SRBD1: variants seen among roughly 807,000 people sequenced by gnomAD.
SRBD1 encodes S1 RNA binding domain 1.
A neutral mutation model predicts 115.3 loss-of-function variants in SRBD1; 88 were observed. That is an observed-to-expected ratio of 0.76 (90% CI 0.64 to 0.91). SRBD1 has a LOEUF of 0.91. Ranked by LOEUF, SRBD1 falls within the 40% of genes least tolerant of loss-of-function variation. SRBD1 has a pLI of 0.00. For missense variants in SRBD1, 1,385 were observed against 1,177.4 expected (o/e 1.18, Z -2.58); for synonymous variants, 509 against 407.7 (o/e 1.25, Z -2.99).
chr2:45,579,824 TAAAAAAA>T (rs374392017), intron 7 of SRBD1, 44 bp downstream of exon 7: 5 of 1,332,946 alleles, frequency 3.8e-6, no homozygotes, highest in South Asian at 1.8e-5. Context: ...GTTTTTAAAT[TAAAAAAA>T]AAAAAAAAGA....
rs758975744 is a variant in SRBD1 at position 45,496,669 on chromosome 2, A to T, written c.1875-8338T>A. ...CTCCACTAACAAATGACATACATTCATGATGCCATTCCTCACTCCTCCCTC... is the reference window on the plus strand; with the variant it reads ...CTCCACTAACAAATGACATACATTCTTGATGCCATTCCTCACTCCTCCCTC... On this transcript the variant is annotated intron_variant, in intron 14 of 20. Coordinates refer to ENST00000263736, the MANE Select transcript of SRBD1 (RefSeq NM_018079.5). 4.5e-4 allele frequency among the ~76,000 whole-genome samples: 68 copies of T among 152,248 alleles called. 2 individuals carry two copies. The Middle Eastern group carries it at 0.01, about 23-fold the overall frequency.
At chr2:45,568,322 A>T (rs767272771) in intron 9 of SRBD1, among the ~76,000 whole-genome samples, 37 of 152,162 alleles carry the variant, frequency 2.4e-4, no homozygotes, top group South Asian at 8.3e-4. Context: ...TTCCTTCACC[A>T]CACTGTCTTT....
chr2:45,472,809 T>G (rs941831464), intron 16 of SRBD1, among the ~76,000 whole-genome samples: 1 of 152,228 alleles, frequency 6.6e-6, no homozygotes. Flanking sequence ...CATACTTTCT[T>G]GGAAGACTGT....
intron 9 of SRBD1, among the ~76,000 whole-genome samples, chr2:45,563,248 T>G (rs1572781063): frequency 6.6e-6 from 1 of 152,272 alleles, no homozygotes; most frequent in East Asian, 1.9e-4. Flanking sequence ...ACCAGTAATG[T>G]GTGTATTATC....
At position 45,449,656 on chromosome 2, in the gene SRBD1, A is replaced by G. The variant is rs145185112; in HGVS notation, c.2049+27337T>C. ...AATATTTCAACCACTTCAACCCCGA[A>G]GTTTTTTTCAGAGCTATACAAATTA... On this transcript the variant is annotated intron_variant, in intron 16 of 20. Transcript: ENST00000263736. Among the ~76,000 whole-genome samples, 35 of 152,292 alleles carry G rather than the reference A, an allele frequency of 2.3e-4. 1 individual carries two copies. The East Asian group carries it at 3.9e-3, about 17-fold the overall frequency.
intron 14 of SRBD1, among the ~76,000 whole-genome samples, chr2:45,489,211 A>G (rs575630936): frequency 6.6e-6 from 1 of 152,324 alleles, no homozygotes; most frequent in South Asian, 2.1e-4. Context: ...ATGTGGCTCT[A>G]TACCATGTGA....
intron 14 of SRBD1, among the ~76,000 whole-genome samples, chr2:45,515,396 A>G (rs1671089457): frequency 6.6e-6 from 1 of 152,192 alleles, no homozygotes; most frequent in Non-Finnish European, 1.5e-5. Context: ...TTACTCAAGA[A>G]CCCATATTCT....
intron 1 of SRBD1, among the ~76,000 whole-genome samples, chr2:45,606,101 C>T (rs1345110794): frequency 6.7e-6 from 1 of 150,364 alleles, no homozygotes; most frequent in Non-Finnish European, 1.5e-5. Context: ...CAGGCAGCCC[C>T]TTACAAAGTC....
chr2:45,391,370 C>CAA (rs1666994154), intron 20 of SRBD1, among the ~76,000 whole-genome samples: 1 of 152,004 alleles, frequency 6.6e-6, no homozygotes. Flanking sequence ...ATTGACAAAA[C>CAA]AAAAGACAGA....
rs1668003872 is a variant in SRBD1, at chr2:45,421,506, CAAACAAAAAAAAAAAAAAAAAAAAA to C, written c.2050-1637_2050-1613del. Among the ~76,000 whole-genome samples, 78 of 48,096 alleles carry C rather than the reference CAAACAAAAAAAAAAAAAAAAAAAAA, an allele frequency of 1.6e-3. 1 individual carries two copies. The South Asian group carries it at 0.07, about 43-fold the overall frequency. 31.6% of individuals were successfully genotyped at this position (48,096 alleles called of 152,430 possible). ...TGGGTGACGGTGTGAGACTCCGTCT[CAAACAAAAAAAAAAAAAAAAAAAAA>C]AAAAAAAAAAAAAAGTCAGAAAATG... is the stretch of plus-strand genomic sequence containing the variant. On this transcript the variant is annotated intron_variant, in intron 16 of 20. Coordinates refer to ENST00000263736, the MANE Select transcript of SRBD1 (RefSeq NM_018079.5).
rs1436333768 is a variant in SRBD1 at position 45,546,746 on chromosome 2, C to T, written c.1860G>A (p.Leu620=). ...DLIMKNYFAP[L]DVVYCIVSEA... ...AATAGCCTTACCAGTAAACAACATC[C>T]AGTGGTGCAAAATAATTCTTCATTA... Residue 620 remains leucine, a synonymous_variant, in exon 14 of 21, where the codon CTG becomes CTA. Transcript: ENST00000263736. The T allele has an allele frequency of 1.9e-6, 3 of 1,614,034 alleles. No homozygotes were observed. Among genetic ancestry groups the T allele is most frequent in the South Asian group, 2.2e-5 (2 of 91,070 alleles).
At position 45,441,983 on chromosome 2, in the gene SRBD1, G is replaced by C. The variant is rs745408601; in HGVS notation, c.2050-22089C>G. Among the ~76,000 whole-genome samples the C allele has an allele frequency of 5.9e-5, 9 of 152,288 alleles. No individual in the cohort carries two copies. In the East Asian group the frequency reaches 1.2e-3, roughly 20 times the overall value. On this transcript the variant is annotated intron_variant, in intron 16 of 20. Transcript: ENST00000263736. ...TTCCTGTTAACTCACACCCTAGTCA[G>C]ACTAATCTCTGATGCTTTAATTGGA...
chr2:45,423,445 A>C (rs1292410247), intron 16 of SRBD1, among the ~76,000 whole-genome samples: 1 of 152,212 alleles, frequency 6.6e-6, no homozygotes, highest in Non-Finnish European at 1.5e-5. Flanking sequence ...AACCAGATAC[A>C]TGGTAGGAGA....
chr2:45,536,280 T>C (rs542210828), intron 14 of SRBD1, among the ~76,000 whole-genome samples: 1 of 152,116 alleles, frequency 6.6e-6, no homozygotes, highest in South Asian at 2.1e-4. Flanking sequence ...AACTTTCTTG[T>C]ATGAATGACA....
chr2:45,435,138 G>A (rs759538059), intron 16 of SRBD1, among the ~76,000 whole-genome samples: 37 of 152,166 alleles, frequency 2.4e-4, no homozygotes, highest in Non-Finnish European at 4.9e-4. Context: ...ATTCCATGGC[G>A]TATATGTGCC....
At chr2:45,577,405 A>C (rs1023327321) in intron 7 of SRBD1, among the ~76,000 whole-genome samples, 1 of 152,192 alleles carries the variant, frequency 6.6e-6, no homozygotes, top group African/African-American at 2.4e-5. Context: ...CCTTTGCCTT[A>C]CAATGAAATC....
At position 45,400,168 on chromosome 2, in the gene SRBD1, G is replaced by C. The variant is rs572121266; in HGVS notation, c.2514-7039C>G. Among the ~76,000 whole-genome samples, 6 of 152,268 alleles carry C rather than the reference G, an allele frequency of 3.9e-5. No homozygotes were observed. The East Asian group carries it at 5.8e-4, about 15-fold the overall frequency. On this transcript the variant is annotated intron_variant, in intron 19 of 20. Transcript: ENST00000263736. Reference sequence around the variant, plus strand: ...GCAAAAACGTTATTCCATTTAAAGAGTATGCAACTGAGGTCAAAGTAACTC... The same window carrying C: ...GCAAAAACGTTATTCCATTTAAAGACTATGCAACTGAGGTCAAAGTAACTC...
chr2:45,519,618 G>T (rs1393046309), intron 14 of SRBD1, among the ~76,000 whole-genome samples: 2 of 152,090 alleles, frequency 1.3e-5, no homozygotes, highest in Non-Finnish European at 2.9e-5. Flanking sequence ...TCCGACAACT[G>T]CAGTGTTTGG....
chr2:45,554,302 T>A (rs1672402638), intron 10 of SRBD1, among the ~76,000 whole-genome samples: 1 of 152,222 alleles, frequency 6.6e-6, no homozygotes, highest in Non-Finnish European at 1.5e-5. Flanking sequence ...CAGCTGGCAT[T>A]TTGATCTTGG....
Sources: allele counts gnomAD v4.1 joint callset (sites outside exome capture counted in the v4.1 genomes callset), GRCh38; gene constraint gnomAD v4.1.1; transcripts MANE v1.5; gene names NCBI Gene and HGNC (gene_info 2026-07-23, HGNC 2026-07-21).